The following PALM variants were observed in gnomAD, a reference collection of about 807,000 sequenced individuals.
PALM encodes paralemmin-1.
PALM carries 18 observed loss-of-function variants against 30.7 expected under a neutral mutation model. The observed-to-expected ratio is 0.59, with a 90% CI of 0.41 to 0.87. PALM has a LOEUF of 0.87. PALM is among the 40% of genes least tolerant of loss of function. The pLI is 0.00. For missense variants in PALM, 529 were observed against 555.4 expected, an observed-to-expected ratio of 0.95 and a Z score of 0.48; for synonymous variants, 286 against 242.8, an observed-to-expected ratio of 1.18 and a Z score of -1.66.
chr19:721,001 G>A (rs1294188109), intron 1 of PALM, among the ~76,000 whole-genome samples: 1 of 152,238 alleles, frequency 6.6e-6, no homozygotes, highest in Non-Finnish European at 1.5e-5. Flanking sequence ...CCCGGGGCTG[G>A]GCGGTTGTTG....
chr19:726,127 C>T lies in PALM; in HGVS notation c.6-11C>T. The T allele has an allele frequency of 6.2e-7, 1 of 1,611,218 alleles. No individual in the cohort carries two copies. The highest frequency in any genetic ancestry group is 8.5e-7 in the Non-Finnish European group (1 of 1,177,808). On this transcript the variant is annotated splice_polypyrimidine_tract_variant and intron_variant, in intron 1 of 8. Transcript: ENST00000338448. ...AGTGAACCAGAGCTTGACCTTATCT[C>T]CCTCCCGCAGGGTCCTGGCGGCAGA...
chr19:740,413 G>A lies in PALM; in HGVS notation c.564G>A (p.Leu188=), dbSNP rs2033154260. 6.4e-7 allele frequency: 1 copy of A among 1,556,552 alleles called. No individual in the cohort carries two copies. Among genetic ancestry groups the A allele is most frequent in the Non-Finnish European group, 8.7e-7 (1 of 1,149,946 alleles). Residue 188 remains leucine, a synonymous_variant, in exon 8 of 9, where the codon CTG becomes CTA. Transcript: ENST00000338448. ...AGGTGACAGGGGAGACCAGGGTGCT[G>A]TCCAGCACCACGCTGCTCCCTCGGC... ...KDKVTGETRV[L]SSTTLLPRQP...
chr19:727,854 G>A, intron 4 of PALM, 160 bp downstream of exon 4: 1 of 686,254 alleles, frequency 1.5e-6, no homozygotes, highest in Non-Finnish European at 2.4e-6. Context: ...ACGCAGGACG[G>A]GACAGATCAG....
chr19:743,871 T>A (rs2033260071), intron 8 of PALM, among the ~76,000 whole-genome samples: 1 of 152,080 alleles, frequency 6.6e-6, no homozygotes, highest in South Asian at 2.1e-4. Flanking sequence ...CAAGATTGAT[T>A]ATATGTATAA....
At chr19:731,809 G>A (rs577428642) in intron 5 of PALM, among the ~76,000 whole-genome samples, 36 of 149,894 alleles carry the variant, frequency 2.4e-4, no homozygotes, top group Non-Finnish European at 4.2e-4. Context: ...ACAGGCGCCT[G>A]CCACCATACC....
At chr19:734,285 C>A (rs745887846) in intron 6 of PALM, 91 bp downstream of exon 6, 2 of 1,263,016 alleles carry the variant, frequency 1.6e-6, no homozygotes, top group Non-Finnish European at 2.3e-6. Flanking sequence ...TACAAAGTTG[C>A]TCGGTGCCTC....
intron 1 of PALM, among the ~76,000 whole-genome samples, chr19:724,839 G>A (rs1238876753): frequency 6.6e-6 from 1 of 151,876 alleles, no homozygotes; most frequent in African/African-American, 2.4e-5. Flanking sequence ...GCCTAGGCTG[G>A]TCTCGAACTC....
At chr19:717,145 G>T (rs1259659574) in intron 1 of PALM, among the ~76,000 whole-genome samples, 1 of 152,134 alleles carries the variant, frequency 6.6e-6, no homozygotes, top group South Asian at 2.1e-4. Flanking sequence ...GACCAGGATG[G>T]TCTCAATCTC....
intron 4 of PALM, among the ~76,000 whole-genome samples, chr19:730,042 C>G (rs2032822893): frequency 6.6e-6 from 1 of 152,230 alleles, no homozygotes; most frequent in Non-Finnish European, 1.5e-5. Context: ...CAGCTTCACC[C>G]CTCCCCAGGG....
intron 3 of PALM, among the ~76,000 whole-genome samples, 157 bp downstream of exon 3, chr19:727,245 A>T (rs1373796357): frequency 8.0e-6 from 1 of 125,512 alleles, no homozygotes; most frequent in African/African-American, 3.1e-5. Context: ...CCCGACCCCG[A>T]CCCCGACCCT....
chr19:720,247 G>A (rs1346793477), intron 1 of PALM, among the ~76,000 whole-genome samples: 1 of 151,918 alleles, frequency 6.6e-6, no homozygotes, highest in Non-Finnish European at 1.5e-5. Context: ...TGGGGACGGC[G>A]CGGTTGCCAC....
intron 4 of PALM, among the ~76,000 whole-genome samples, chr19:730,540 A>C (rs1228153568): frequency 6.6e-6 from 1 of 152,222 alleles, no homozygotes; most frequent in Admixed American, 6.5e-5. Flanking sequence ...TGATACAGAC[A>C]GTGACATAAA....
intron 7 of PALM, among the ~76,000 whole-genome samples, chr19:736,976 C>G (rs2033042404): frequency 6.6e-6 from 1 of 152,352 alleles, no homozygotes; most frequent in South Asian, 2.1e-4. Context: ...TCGCTTGAAC[C>G]TGGGAGGCGG....
At chr19:723,677 G>A (rs766121471) in intron 1 of PALM, among the ~76,000 whole-genome samples, 3 of 152,058 alleles carry the variant, frequency 2.0e-5, no homozygotes, top group Admixed American at 1.3e-4. Flanking sequence ...TGCAACCTCC[G>A]CCTCCTGGGT....
chr19:726,593 C>T (rs1049940581), intron 2 of PALM, among the ~76,000 whole-genome samples: 2 of 152,176 alleles, frequency 1.3e-5, no homozygotes, highest in African/African-American at 4.8e-5. Flanking sequence ...TGGCCCGATT[C>T]CTGGGTTCAA....
At position 709,454 on chromosome 19, in the gene PALM, C is replaced by G. The variant is rs972576482; in HGVS notation, c.5+303C>G. On this transcript the variant is annotated intron_variant, in intron 1 of 8. Coordinates refer to ENST00000338448, the MANE Select transcript of PALM (RefSeq NM_002579.3). This position sits in a 1 kb window ranked among gnomAD's most constrained non-coding sequence, Gnocchi z 4.3. ...GGGGAGGCTCGCGTCTCCGCCCGCG[C>G]CCCGCCCGCGTCTCCAGGGCGAGCC... 4.6e-5 allele frequency among the ~76,000 whole-genome samples: 7 copies of G among 152,022 alleles called. No individual in the cohort carries two copies. The East Asian group carries it at 1.4e-3, about 30-fold the overall frequency.
At chr19:726,098 G>A (rs3787018) in intron 1 of PALM, 40 bp from the exon 2 acceptor site, 7 of 1,523,304 alleles carry the variant, frequency 4.6e-6, no homozygotes, top group Admixed American at 1.7e-5. Flanking sequence ...GGACAGCAGG[G>A]CTCAGTGAAC....
intron 1 of PALM, among the ~76,000 whole-genome samples, chr19:710,055 C>T (rs879836008): frequency 9.2e-5 from 14 of 152,152 alleles, no homozygotes; most frequent in Non-Finnish European, 1.6e-4. Flanking sequence ...GAGGCTCCTC[C>T]TGGGGTCACC....
chr19:727,366 TGACCTTGACTCTGACCCA>T (rs2032719824), intron 3 of PALM, among the ~76,000 whole-genome samples, 180 bp from the exon 4 acceptor site: 1 of 147,302 alleles, frequency 6.8e-6, no homozygotes, highest in Non-Finnish European at 1.5e-5. Context: ...ATCCTGACCC[TGACCTTGACTCTGACCCA>T]GACCCTGACC....
Sources: gnomAD v4.1 joint callset for allele counts (sites outside exome capture counted in the v4.1 genomes callset) on GRCh38, gnomAD v4.1.1 for gene constraint, Gnocchi (gnomAD v3.1) non-coding constraint, MANE v1.5 for transcripts, NCBI Gene and HGNC (gene_info 2026-07-23, HGNC 2026-07-21) for gene names.